CNKSR2: variants seen among roughly 807,000 people sequenced by gnomAD.
The protein encoded by CNKSR2 is connector enhancer of kinase suppressor of Ras 2, also known as CNK homolog protein 2.
A neutral mutation model predicts 84.4 loss-of-function variants in CNKSR2; 14 were observed. The observed-to-expected ratio is 0.17, with a 90% confidence interval of 0.11 to 0.26. The LOEUF is 0.26. Among genes scored for constraint, CNKSR2 ranks in the 10% least tolerant of loss-of-function variants. The pLI is 1.00. For synonymous variants in CNKSR2, 275 were observed against 277.9 expected, an observed-to-expected ratio of 0.99 and a Z score of 0.10; for missense variants, 485 against 771.2, an observed-to-expected ratio of 0.63 and a Z score of 4.40.
At chrX:21,466,569 C>G (rs1056018707) in intron 4 of CNKSR2, among the ~76,000 whole-genome samples, 1 of 111,105 alleles carries the variant, frequency 9.0e-6, no homozygotes, top group Admixed American at 9.6e-5. Context: ...TATGCATTCT[C>G]TCTGTTTGGT....
At chrX:21,564,784 C>T (rs1334513988) in intron 13 of CNKSR2, among the ~76,000 whole-genome samples, 2 of 109,498 alleles carry the variant, frequency 1.8e-5, no homozygotes, top group African/African-American at 6.6e-5. Flanking sequence ...GTGTTATTAG[C>T]ACTCCTAGGT....
intron 5 of CNKSR2, among the ~76,000 whole-genome samples, chrX:21,488,707 A>G (rs969559892): frequency 3.6e-5 from 4 of 111,904 alleles, no homozygotes; most frequent in African/African-American, 9.7e-5. Context: ...GAGAGTTCTT[A>G]TTATCTTGAC....
chrX:21,652,079 C>T (rs2092722163), intron 21 of CNKSR2, among the ~76,000 whole-genome samples: 1 of 111,283 alleles, frequency 9.0e-6, no homozygotes, highest in Non-Finnish European at 1.9e-5. Flanking sequence ...CAGAGATGGG[C>T]AAAAGGACAG....
chrX:21,608,403 A>G (rs947899396), intron 19 of CNKSR2, among the ~76,000 whole-genome samples: 5 of 112,022 alleles, frequency 4.5e-5, no homozygotes, highest in Non-Finnish European at 7.5e-5. Context: ...GCTATAACAT[A>G]TAGTCCCAAG....
At chrX:21,528,437 T>A (rs943408440) in intron 10 of CNKSR2, among the ~76,000 whole-genome samples, 2 of 111,465 alleles carry the variant, frequency 1.8e-5, no homozygotes, top group African/African-American at 6.5e-5. Flanking sequence ...TCTCTGTAGT[T>A]TTAAAATGTT....
At position 21,591,112 on chromosome X, in the gene CNKSR2, C is replaced by T; in HGVS notation, c.1748C>T (p.Ala583Val). The T allele has an allele frequency of 8.3e-7, 1 of 1,206,779 alleles. No individual in the cohort carries two copies. The highest frequency in any genetic ancestry group is 1.1e-6 in the Non-Finnish European group (1 of 892,038). ...GGCTGGCTTTGGAAAAAGAAAGATG[C>T]GAAGAGTTACTTTTCACAGAAATGG... ...CEGWLWKKKDAKSYFSQKWKK... is the reference protein window; with the variant it reads ...CEGWLWKKKDVKSYFSQKWKK... The change falls in exon 15 of 22, where the codon GCG becomes GTG. Residue 583 changes from alanine to valine, a missense_variant. By Grantham distance (64) the Ala-to-Val change is moderately conservative (BLOSUM62 0). This residue lies in a region of CNKSR2 where 30 missense variants were observed against 78.9 expected (regional missense o/e 0.38). Coordinates refer to ENST00000379510, the MANE Select transcript of CNKSR2 (RefSeq NM_014927.5).
intron 11 of CNKSR2, chrX:21,539,026 A>G (rs1436153478): frequency 8.9e-6 from 1 of 112,049 alleles, no homozygotes; most frequent in Non-Finnish European, 1.9e-5. Flanking sequence ...ACCTTGAAAC[A>G]ACACTTTGAA....
intron 4 of CNKSR2, among the ~76,000 whole-genome samples, chrX:21,469,986 C>A (rs2091177885): frequency 8.9e-6 from 1 of 112,341 alleles, no homozygotes; most frequent in Admixed American, 9.5e-5. Flanking sequence ...ATGTCAGATT[C>A]TAATGACTTA....
chrX:21,648,794 CTTTTT>C (rs33962399), intron 20 of CNKSR2, 32 bp from the exon 21 acceptor site: 296 of 315,250 alleles, frequency 9.4e-4, no homozygotes, highest in Non-Finnish European at 9.9e-4. Context: ...CTCTCTCTTT[CTTTTT>C]TTTTTTTTTT....
chrX:21,607,696 C>T (rs758159287), intron 19 of CNKSR2, among the ~76,000 whole-genome samples: 1 of 110,656 alleles, frequency 9.0e-6, no homozygotes, highest in African/African-American at 3.3e-5. Flanking sequence ...CCCAGCTACT[C>T]GGGAGGCTGA....
intron 8 of CNKSR2, chrX:21,506,494 A>T (rs1225483725): frequency 9.0e-6 from 1 of 111,725 alleles, no homozygotes; most frequent in Non-Finnish European, 1.9e-5. Flanking sequence ...TTTTGAAGTG[A>T]TACGTATTGA....
At chrX:21,549,346 A>C (rs761637436) in intron 11 of CNKSR2, among the ~76,000 whole-genome samples, 5 of 111,875 alleles carry the variant, frequency 4.5e-5, no homozygotes, top group African/African-American at 6.5e-5. Flanking sequence ...ACCTAGGAAT[A>C]CAACTTACAA....
Position 21,551,058 on chromosome X carries a change from C to G in CNKSR2, c.1304-10413C>G, listed in dbSNP as rs184573552. On this transcript the variant is annotated intron_variant, in intron 11 of 21. Transcript: ENST00000379510. ...AAAAAAAAAAAAATGAGTTTATGTC[C>G]TTTGCAGGGACATGGATAAAGCTGG... Among the ~76,000 whole-genome samples the G allele has an allele frequency of 7.3e-5, 8 of 110,320 alleles. No homozygotes were observed. The Admixed American group carries it at 7.7e-4, about 11-fold the overall frequency.
intron 1 of CNKSR2, among the ~76,000 whole-genome samples, chrX:21,420,517 A>C (rs1421101913): frequency 8.9e-6 from 1 of 111,762 alleles, no homozygotes; most frequent in Non-Finnish European, 1.9e-5. Flanking sequence ...GCTGGGTCTC[A>C]CCTGAAGCCA....
intron 6 of CNKSR2, 80 bp downstream of exon 6, chrX:21,490,658 G>A: frequency 1.0e-6 from 1 of 987,959 alleles, no homozygotes; most frequent in Non-Finnish European, 1.3e-6. Context: ...TCTGAATGTG[G>A]GAATCTATGA....
chrX:21,587,616 A>G (rs959148267), intron 13 of CNKSR2, among the ~76,000 whole-genome samples: 1 of 111,850 alleles, frequency 8.9e-6, no homozygotes. Context: ...AATTTCTGTC[A>G]CTGACAATGA....
At chrX:21,428,547 A>G (rs2090594395) in intron 2 of CNKSR2, 1 of 111,754 alleles carries the variant, frequency 8.9e-6, no homozygotes, top group Non-Finnish European at 1.9e-5. Context: ...TTGGAGGTGT[A>G]ATAATATTTC....
intron 8 of CNKSR2, chrX:21,505,269 G>C (rs1391373199): frequency 9.0e-6 from 1 of 111,225 alleles, no homozygotes; most frequent in African/African-American, 3.3e-5. Flanking sequence ...CTTTTATTTT[G>C]TATTAATATT....
chrX:21,583,546 A>G (rs997690569), intron 13 of CNKSR2, among the ~76,000 whole-genome samples: 7 of 111,848 alleles, frequency 6.3e-5, no homozygotes, highest in Non-Finnish European at 9.4e-5. Flanking sequence ...TTTCTTATGT[A>G]TAAGAAAGAA....
Sources: gnomAD v4.1 joint callset for allele counts (sites outside exome capture counted in the v4.1 genomes callset) on GRCh38, gnomAD v4.1.1 for gene constraint, gnomAD v4.1.1 regional missense constraint, MANE v1.5 for transcripts, NCBI Gene and HGNC (gene_info 2026-07-23, HGNC 2026-07-21) for gene names.